The following ANO2 variants were observed in gnomAD, a reference collection of about 807,000 sequenced individuals.
ANO2 encodes anoctamin 2.
In ANO2, 101 loss-of-function variants were observed where a neutral mutation model predicts 124.2. That is an observed-to-expected ratio of 0.81 (90% CI 0.69 to 0.96). ANO2 has a LOEUF of 0.96. Among genes scored for constraint, ANO2 ranks in the 40% least tolerant of loss-of-function variants. The probability of loss-of-function intolerance (pLI) is 0.00; values close to 1 mark genes in which losing one functional copy is unlikely to be tolerated. For synonymous variants in ANO2, 486 were observed against 482.5 expected (o/e 1.01, Z -0.09); for missense variants, 1,293 against 1,274.5 (o/e 1.01, Z -0.22).
At chr12:5,678,018 C>T (rs542607413) in intron 14 of ANO2, among the ~76,000 whole-genome samples, 1 of 152,136 alleles carries the variant, frequency 6.6e-6, no homozygotes, top group Non-Finnish European at 1.5e-5. Flanking sequence ...AAGAAATGTA[C>T]CCAGGGAAGA....
chr12:5,811,572 T>C (rs547666331), intron 7 of ANO2, among the ~76,000 whole-genome samples: 1 of 152,306 alleles, frequency 6.6e-6, no homozygotes, highest in South Asian at 2.1e-4. Flanking sequence ...CATCAACCTG[T>C]AATTTTCTGT....
At chr12:5,776,700 C>G (rs1952241394) in intron 10 of ANO2, among the ~76,000 whole-genome samples, 1 of 152,222 alleles carries the variant, frequency 6.6e-6, no homozygotes, top group African/African-American at 2.4e-5. Context: ...TGAGCTTTCT[C>G]TTAGCATATT....
chr12:5,868,258 T>C (rs1955483155), intron 3 of ANO2, among the ~76,000 whole-genome samples: 1 of 151,974 alleles, frequency 6.6e-6, no homozygotes, highest in Non-Finnish European at 1.5e-5. Flanking sequence ...TAGCTTAGAG[T>C]GTTCTGGAGG....
Position 5,747,110 on chromosome 12 carries a change from C to A in ANO2, c.1191-2793G>T, listed in dbSNP as rs564122425. ...TGTGCCGTAGTTACATAAGACGAAA[C>A]CACGGGAGGAAGCTAGAAGAAGTGC... is the stretch of plus-strand genomic sequence containing the variant. On this transcript the variant is annotated intron_variant, in intron 11 of 24. Transcript: ENST00000682330. Among the ~76,000 whole-genome samples the A allele has an allele frequency of 4.6e-5, 7 of 152,310 alleles. No individual in the cohort carries two copies. In the South Asian group the frequency reaches 1.2e-3, roughly 27 times the overall value.
At chr12:5,786,217 T>G (rs888132489) in intron 10 of ANO2, among the ~76,000 whole-genome samples, 9 of 152,096 alleles carry the variant, frequency 5.9e-5, no homozygotes, top group African/African-American at 2.2e-4. Flanking sequence ...AGGATTGAGA[T>G]TCTATCTCTG....
chr12:5,930,599 C>T (rs1384908646), intron 1 of ANO2, among the ~76,000 whole-genome samples: 1 of 152,118 alleles, frequency 6.6e-6, no homozygotes, highest in Non-Finnish European at 1.5e-5. Context: ...AGATTGAAGA[C>T]CCTCCCCCTG....
At position 5,635,235 on chromosome 12, in the gene ANO2, G is replaced by T. The variant is rs750512780; in HGVS notation, c.1733C>A (p.Ala578Glu). Residue 578 changes from alanine (A) to glutamate (E), a missense_variant, in exon 16 of 25, where the codon GCA becomes GAA. Coordinates refer to ENST00000682330, the MANE Select transcript of ANO2 (RefSeq NM_001364791.2). This position sits in a 1 kb window ranked among gnomAD's most constrained non-coding sequence, Gnocchi z 5.2. ...CACGAGGTTGATGATGACTGCTGTT[G>T]CTGTCACTGTCACCCGGACATTGGA... Reference protein sequence around the residue: ...TRSNVRVTVTATAVIINLVVI... With the variant: ...TRSNVRVTVTETAVIINLVVI... 1 of 1,613,138 alleles carries T rather than the reference G, an allele frequency of 6.2e-7. No individual in the cohort carries two copies. The highest frequency in any genetic ancestry group is 1.1e-5 in the South Asian group (1 of 90,946).
intron 10 of ANO2, among the ~76,000 whole-genome samples, chr12:5,796,540 AACAC>A (rs1024790243): frequency 6.6e-6 from 1 of 151,280 alleles, no homozygotes; most frequent in Admixed American, 6.6e-5. Flanking sequence ...CACACACACT[AACAC>A]ACACAAACAC....
At chr12:5,941,778 T>C (rs1167135166) in intron 1 of ANO2, among the ~76,000 whole-genome samples, 1 of 151,808 alleles carries the variant, frequency 6.6e-6, no homozygotes, top group East Asian at 1.9e-4. Context: ...TATACATTAA[T>C]AAGATAATGA....
rs192113570 is a variant in ANO2 at position 5,565,583 on chromosome 12, C to T, written c.2702G>A (p.Arg901His). The change falls in exon 24 of 25, where the codon CGT (arginine) becomes CAT (histidine). Residue 901 changes from arginine (R) to histidine (H), a missense_variant. Coordinates refer to ENST00000682330, the MANE Select transcript of ANO2 (RefSeq NM_001364791.2). ...CTGGAAGATTATGACAAAAGCCAGA[C>T]GGGCGGACAGAATAAACCAGTACTG... ...SKQYWFILSA[R>H]LAFVIIFQNL... The T allele has an allele frequency of 3.4e-5, 55 of 1,604,000 alleles. No individual in the cohort carries two copies. The highest frequency in any genetic ancestry group is 5.3e-5 in the African/African-American group (4 of 74,900).
At chr12:5,901,184 G>A (rs1940180963) in intron 3 of ANO2, among the ~76,000 whole-genome samples, 1 of 152,198 alleles carries the variant, frequency 6.6e-6, no homozygotes, top group African/African-American at 2.4e-5. Flanking sequence ...GGAAAAATGC[G>A]GCCTTTGCAT....
chr12:5,658,791 C>T lies in ANO2; in HGVS notation c.1546-10990G>A, dbSNP rs952257261. On this transcript the variant is annotated intron_variant, in intron 14 of 24. Transcript: ENST00000682330. This position sits in a 1 kb window ranked among gnomAD's most constrained non-coding sequence, Gnocchi z 4.3. The stretch of plus-strand genomic sequence containing the variant: ...TCATCAGCATCAATATTATCATTGT[C>T]ATCAATATCATCATCATCAACATCA... Among the ~76,000 whole-genome samples, 5 of 151,890 alleles carry T rather than the reference C, an allele frequency of 3.3e-5. No individual in the cohort carries two copies. The highest frequency in any genetic ancestry group is 9.7e-5 in the African/African-American group (4 of 41,226).
intron 14 of ANO2, among the ~76,000 whole-genome samples, chr12:5,718,826 T>C (rs989044313): frequency 1.3e-5 from 2 of 152,204 alleles, no homozygotes; most frequent in African/African-American, 2.4e-5. Context: ...CTCTTCATAC[T>C]TCCATTACTT....
intron 7 of ANO2, among the ~76,000 whole-genome samples, chr12:5,812,077 G>A (rs915317307): frequency 1.4e-5 from 2 of 146,778 alleles, no homozygotes; most frequent in African/African-American, 5.1e-5. Context: ...GGAGAAGAGG[G>A]GAGAGGAAGG....
intron 15 of ANO2, among the ~76,000 whole-genome samples, chr12:5,639,850 T>C (rs531607308): frequency 1.6e-4 from 24 of 152,014 alleles, no homozygotes; most frequent in Non-Finnish European, 3.1e-4. Context: ...AGTGTGCAAA[T>C]AGGGAGATCA....
rs1943816474 is a variant in ANO2 at position 5,599,367 on chromosome 12, A to C, written c.2233+117T>G. On this transcript the variant is annotated intron_variant, in intron 20 of 24. Transcript: ENST00000682330. ...GGAACACTGAATAGCCATGAAGCTC[A>C]TGAAGAAGCAGAGGCTGTCCCAGTC... 2.4e-6 allele frequency: 3 copies of C among 1,253,186 alleles called. 1 individual carries two copies. The highest frequency in any genetic ancestry group is 2.6e-5 in the Admixed American group (1 of 39,190). 77.6% of individuals were successfully genotyped at this position (1,253,186 alleles called of 1,614,324 possible). A position where few individuals can be genotyped will look rare whatever the true frequency, so the allele number is the denominator to read the frequency against.
intron 3 of ANO2, among the ~76,000 whole-genome samples, chr12:5,901,302 C>A (rs1283941133): frequency 6.6e-6 from 1 of 152,100 alleles, no homozygotes; most frequent in Non-Finnish European, 1.5e-5. Context: ...GATCTGGTGA[C>A]AAAGAAATTG....
At chr12:5,613,092 T>A in intron 17 of ANO2, 134 bp from the exon 18 acceptor site, 1 of 838,598 alleles carries the variant, frequency 1.2e-6, no homozygotes, top group Middle Eastern at 2.4e-4. Context: ...GCTAGATCAC[T>A]CAGGGATAGG....
At chr12:5,712,723 T>A (rs1458855957) in intron 14 of ANO2, among the ~76,000 whole-genome samples, 2 of 152,092 alleles carry the variant, frequency 1.3e-5, no homozygotes, top group African/African-American at 4.8e-5. Context: ...CCAGAGCAGA[T>A]GTCATTAGCC....
Sources: allele counts gnomAD v4.1 joint callset (sites outside exome capture counted in the v4.1 genomes callset), GRCh38; gene constraint gnomAD v4.1.1; non-coding constraint Gnocchi (gnomAD v3.1); transcripts MANE v1.5; gene names NCBI Gene and HGNC (gene_info 2026-07-23, HGNC 2026-07-21).